Variants in FKBP14 observed in about 807,000 individuals in gnomAD.
FKBP14 encodes FKBP prolyl isomerase 14.
A neutral mutation model predicts 21.6 loss-of-function variants in FKBP14; 20 were observed. The ratio of observed to expected loss-of-function variants is 0.92; its 90% CI spans 0.65 to 1.34. The LOEUF (loss-of-function observed/expected upper bound fraction) is 1.34. Ranked by LOEUF, FKBP14 falls within the 40% of genes most tolerant of loss-of-function variation. The pLI is 0.00. For missense variants in FKBP14, 253 were observed against 249.0 expected (o/e 1.02, Z -0.11); for synonymous variants, 79 against 86.7 (o/e 0.91, Z 0.49).
chr7:30,011,847 CT>C lies in FKBP14; in HGVS notation c.*2887del, dbSNP rs1489996627. 6.6e-6 allele frequency: 1 copy of C among 152,026 alleles called. No homozygotes were observed. The highest frequency in any genetic ancestry group is 1.5e-5 in the Non-Finnish European group (1 of 68,010). 9.4% of individuals were successfully genotyped at this position (152,026 alleles called of 1,614,324 possible). Reference sequence around the variant, plus strand: ...GTGCTAGGATTACAGGCGTGAACCACTGCACCTGACCAGATTTTTTACAAAA... The same window carrying C: ...GTGCTAGGATTACAGGCGTGAACCACGCACCTGACCAGATTTTTTACAAAA... On this transcript the variant is annotated 3_prime_UTR_variant, in exon 4 of 4. Coordinates refer to ENST00000222803, the MANE Select transcript of FKBP14 (RefSeq NM_017946.4).
rs1380962211 is a variant in FKBP14 at position 30,012,302 on chromosome 7, G to A, written c.*2433C>T. The A allele has an allele frequency of 6.6e-6, 1 of 152,242 alleles. No individual in the cohort carries two copies. Among genetic ancestry groups the A allele is most frequent in the Non-Finnish European group, 1.5e-5 (1 of 68,030 alleles). 9.4% of individuals were successfully genotyped at this position (152,242 alleles called of 1,614,324 possible). A position where few individuals can be genotyped will look rare whatever the true frequency, so the allele number is the denominator to read the frequency against. ...GTGTCCAAATGTTTAGATGAGAACT[G>A]ATACAAATTCACAGGTTTTTAAAAA... On this transcript the variant is annotated 3_prime_UTR_variant, in exon 4 of 4. Transcript: ENST00000222803.
downstream of FKBP14, among the ~76,000 whole-genome samples, chr7:30,006,625 A>G (rs924285896): frequency 1.3e-5 from 2 of 152,226 alleles, no homozygotes; most frequent in African/African-American, 4.8e-5. Context: ...GAATTCAGTC[A>G]TACAGTCGTA....
chr7:30,014,821 C>A lies in FKBP14; in HGVS notation c.550G>T (p.Val184Leu). 6.2e-7 allele frequency: 1 copy of A among 1,611,502 alleles called. No individual in the cohort carries two copies. The change falls in exon 4 of 4, where the codon GTG becomes TTG. Residue 184 changes from valine to leucine, a missense_variant. Coordinates refer to ENST00000222803, the MANE Select transcript of FKBP14 (RefSeq NM_017946.4). ...TCTTCTTTATCAAAAATATCCTCCA[C>A]CAAAGCATCATGATGACTTTCATTC... is the stretch of plus-strand genomic sequence containing the variant. ...VVNESHHDAL[V>L]EDIFDKEDED... is the part of the protein sequence containing the mutation.
chr7:30,024,465 A>G (rs1470144820), intron 1 of FKBP14, among the ~76,000 whole-genome samples: 4 of 152,194 alleles, frequency 2.6e-5, no homozygotes, highest in Non-Finnish European at 4.4e-5. Context: ...CAGCGGCGCA[A>G]TCTTGGCTCA....
At chr7:30,009,320 C>T (rs1789672692), downstream of FKBP14, among the ~76,000 whole-genome samples, 1 of 151,742 alleles carries the variant, frequency 6.6e-6, no homozygotes, top group African/African-American at 2.4e-5. Context: ...TCAACCTCCA[C>T]CTCCCAGGTT....
At chr7:30,008,064 T>C (rs935362344), downstream of FKBP14, among the ~76,000 whole-genome samples, 12 of 152,200 alleles carry the variant, frequency 7.9e-5, no homozygotes, top group African/African-American at 2.9e-4. Flanking sequence ...CAACAAAAAC[T>C]GCAGATTCAC....
At chr7:30,018,925 A>G in intron 3 of FKBP14, 71 bp downstream of exon 3, 3 of 1,525,232 alleles carry the variant, frequency 2.0e-6, no homozygotes, top group Non-Finnish European at 2.7e-6. Flanking sequence ...TGAGTTACAA[A>G]AACAAAACAA....
downstream of FKBP14, among the ~76,000 whole-genome samples, chr7:30,006,863 G>A (rs1269401090): frequency 6.6e-6 from 1 of 152,148 alleles, no homozygotes; most frequent in African/African-American, 2.4e-5. Context: ...CTTCTATAGA[G>A]TAGGTCAGAT....
At position 30,026,521 on chromosome 7, in the gene FKBP14, A is replaced by G; in HGVS notation, c.-13T>C. 6.2e-7 allele frequency: 1 copy of G among 1,600,758 alleles called. No individual in the cohort carries two copies. The highest frequency in any genetic ancestry group is 8.5e-7 in the Non-Finnish European group (1 of 1,174,286). On this transcript the variant is annotated 5_prime_UTR_variant, in exon 1 of 4. Transcript: ENST00000222803. ...AGAAAAGCCTCATGTTGCTGAAGCA[A>G]GGAAAGAAGTCCCTACAAAAGCAGC...
intron 1 of FKBP14, 40 bp from the exon 2 acceptor site, chr7:30,022,856 T>A (rs773612651): frequency 3.2e-6 from 5 of 1,567,822 alleles, no homozygotes; most frequent in Middle Eastern, 1.7e-4. Context: ...CCTTATTAAC[T>A]CTAAAAAATT....
chr7:30,024,287 TCTA>T (rs941136643), intron 1 of FKBP14, among the ~76,000 whole-genome samples: 5 of 152,294 alleles, frequency 3.3e-5, no homozygotes, highest in Middle Eastern at 3.4e-3. Context: ...CAGGAAACAT[TCTA>T]CTACTCATCA....
At chr7:30,025,543 C>T (rs1790151298) in intron 1 of FKBP14, 1 of 152,192 alleles carries the variant, frequency 6.6e-6, no homozygotes, top group Admixed American at 6.5e-5. Flanking sequence ...TCCTAGCACC[C>T]AGAACATGGC....
At chr7:30,018,574 G>A (rs1311312581) in intron 3 of FKBP14, among the ~76,000 whole-genome samples, 2 of 152,186 alleles carry the variant, frequency 1.3e-5, no homozygotes, top group Non-Finnish European at 2.9e-5. Context: ...ACTACAAGAT[G>A]TATTTAACAG....
chr7:30,007,830 C>T (rs1026192566), downstream of FKBP14, among the ~76,000 whole-genome samples: 5 of 152,130 alleles, frequency 3.3e-5, no homozygotes, highest in South Asian at 8.3e-4. Context: ...GGGGGGATCA[C>T]TTGAGGTCAG....
chr7:30,023,048 A>G (rs759937024), intron 1 of FKBP14, among the ~76,000 whole-genome samples: 1 of 149,368 alleles, frequency 6.7e-6, no homozygotes, highest in Non-Finnish European at 1.5e-5. Flanking sequence ...TAAGAAAGAC[A>G]GAGGAAATAA....
chr7:30,022,089 AAAG>A (rs1231341426), intron 2 of FKBP14, among the ~76,000 whole-genome samples: 1 of 152,224 alleles, frequency 6.6e-6, no homozygotes, highest in Non-Finnish European at 1.5e-5. Flanking sequence ...ACGGGAATGA[AAAG>A]AACTCCCAGT....
rs139949076 is a variant in FKBP14 at position 30,015,291 on chromosome 7, G to A, written c.478-398C>T. Among the ~76,000 whole-genome samples the A allele has an allele frequency of 9.2e-3, 1,404 of 152,090 alleles. 12 individuals carry two copies. Among genetic ancestry groups the A allele is most frequent in the Non-Finnish European group, 0.017 (1,139 of 67,978 alleles). ...AAGTTAGCCAGGCATGATGGCATGC[G>A]TCTGTAATCCCAGCTATTCAGGAGG... is the stretch of plus-strand genomic sequence containing the variant. On this transcript the variant is annotated intron_variant, in intron 3 of 3. Transcript: ENST00000222803.
chr7:30,009,285 T>G (rs190220259), downstream of FKBP14, among the ~76,000 whole-genome samples: 62 of 151,874 alleles, frequency 4.1e-4, no homozygotes, highest in Non-Finnish European at 7.8e-4. Flanking sequence ...CAAGCTGGAA[T>G]GTAGTAGCAC....
At chr7:30,019,847 A>C (rs1789984552) in intron 2 of FKBP14, among the ~76,000 whole-genome samples, 1 of 152,186 alleles carries the variant, frequency 6.6e-6, no homozygotes, top group Admixed American at 6.5e-5. Context: ...AAGGTTTAAC[A>C]ATTTCAGAAA....
Sources: allele counts gnomAD v4.1 joint callset (sites outside exome capture counted in the v4.1 genomes callset), GRCh38; gene constraint gnomAD v4.1.1; transcripts MANE v1.5; gene names NCBI Gene and HGNC (gene_info 2026-07-23, HGNC 2026-07-21).